The following PTPN21 variants were observed in gnomAD, a reference collection of about 807,000 sequenced individuals.
PTPN21 encodes protein tyrosine phosphatase non-receptor type 21.
In PTPN21, 77 loss-of-function variants were observed where a neutral mutation model predicts 131.8. That is an observed-to-expected ratio of 0.58 (90% CI 0.49 to 0.71). The LOEUF (loss-of-function observed/expected upper bound fraction) is 0.71, where lower values mean the gene tolerates loss of function less well. PTPN21 is among the 30% of genes least tolerant of loss of function. The pLI is 0.00. For synonymous variants in PTPN21, 715 were observed against 621.3 expected, an observed-to-expected ratio of 1.15 and a Z score of -2.24; for missense variants, 1,552 against 1,527.1, an observed-to-expected ratio of 1.02 and a Z score of -0.27.
chr14:88,471,686 C>G (rs2077471371), intron 15 of PTPN21, among the ~76,000 whole-genome samples: 1 of 152,012 alleles, frequency 6.6e-6, no homozygotes, highest in Non-Finnish European at 1.5e-5. Flanking sequence ...TTGTGAACAC[C>G]ATCAAAAAGC....
intron 2 of PTPN21, among the ~76,000 whole-genome samples, chr14:88,519,311 C>A (rs936315651): frequency 1.3e-5 from 2 of 152,168 alleles, no homozygotes; most frequent in Non-Finnish European, 2.9e-5. Flanking sequence ...ACTGTCCCAA[C>A]AGAACTTAGT....
intron 6 of PTPN21, among the ~76,000 whole-genome samples, chr14:88,501,615 A>G (rs982497002): frequency 6.6e-6 from 1 of 152,074 alleles, no homozygotes; most frequent in Non-Finnish European, 1.5e-5. Context: ...TGGGGGATAA[A>G]ACAACTCCCT....
intron 2 of PTPN21, among the ~76,000 whole-genome samples, chr14:88,527,083 T>C (rs113693058): frequency 0.044 from 6,773 of 152,318 alleles, 199 homozygotes; most frequent in South Asian, 0.1. Flanking sequence ...TGGTTCCATA[T>C]TTTTGCAATT....
intron 3 of PTPN21, among the ~76,000 whole-genome samples, chr14:88,508,351 A>C (rs1364130147): frequency 1.3e-5 from 2 of 151,946 alleles, no homozygotes; most frequent in African/African-American, 2.4e-5. Flanking sequence ...GAGTTTCACC[A>C]TGTTGCCCAG....
intron 13 of PTPN21, among the ~76,000 whole-genome samples, chr14:88,476,384 CT>C: frequency 6.6e-6 from 1 of 152,196 alleles, no homozygotes; most frequent in East Asian, 1.9e-4. Context: ...CCCCCAACAA[CT>C]CTCTGGGGTC....
At chr14:88,548,386 T>C (rs1052926335) in intron 2 of PTPN21, among the ~76,000 whole-genome samples, 1 of 152,224 alleles carries the variant, frequency 6.6e-6, no homozygotes, top group Non-Finnish European at 1.5e-5. Context: ...CCTCTGCGTC[T>C]TTGGTCCTGT....
In PTPN21 at chr14:88,466,190, CT is replaced by C. The variant is rs2077360133; in HGVS notation, c.*1946del. ...AATATTTTCACTTAGTTCTACTGTT[CT>C]TTAAACAGGACTTTAAAAAGAATTT... On this transcript the variant is annotated 3_prime_UTR_variant, in exon 19 of 19. Transcript: ENST00000556564. 6.6e-6 allele frequency: 1 copy of C among 152,064 alleles called. No homozygotes were observed. The highest frequency in any genetic ancestry group is 6.6e-5 in the Admixed American group (1 of 15,266). The allele number at this position is 152,064 out of a possible 1,614,324, so 9.4% of individuals were successfully genotyped here.
intron 15 of PTPN21, among the ~76,000 whole-genome samples, chr14:88,470,771 A>G (rs1419546158): frequency 6.6e-6 from 1 of 152,224 alleles, no homozygotes; most frequent in African/African-American, 2.4e-5. Flanking sequence ...ACTGTGGATG[A>G]GTACCAGGTT....
chr14:88,472,508 G>T, intron 14 of PTPN21, 43 bp from the exon 15 acceptor site: 2 of 1,205,988 alleles, frequency 1.7e-6, no homozygotes, highest in Non-Finnish European at 2.4e-6. Flanking sequence ...ACAGCCACAC[G>T]TCGTGGCTAC....
chr14:88,553,076 T>A (rs1271851228), intron 1 of PTPN21, among the ~76,000 whole-genome samples: 1 of 152,236 alleles, frequency 6.6e-6, no homozygotes, highest in African/African-American at 2.4e-5. Flanking sequence ...TACATAGAAC[T>A]ATGCCTTGAA....
In PTPN21 at chr14:88,473,967, T is replaced by G. The variant is rs61674735; in HGVS notation, c.2512-165A>C. 2,350 of 568,932 alleles carry G rather than the reference T, an allele frequency of 4.1e-3. 28 individuals carry two copies. In the African/African-American group the frequency reaches 0.042, roughly 10 times the overall value. The allele number at this position is 568,932 out of a possible 1,614,324, so 35.2% of individuals were successfully genotyped here. ...CACACACCACTTGTTTAACAAACATTAGTAGGAAGACATTCCTTTCAAGGC... is the reference window on the plus strand; with the variant it reads ...CACACACCACTTGTTTAACAAACATGAGTAGGAAGACATTCCTTTCAAGGC... On this transcript the variant is annotated intron_variant, in intron 13 of 18. Coordinates refer to ENST00000556564, the MANE Select transcript of PTPN21 (RefSeq NM_007039.4).
At chr14:88,471,099 T>C (rs2077459054) in intron 15 of PTPN21, among the ~76,000 whole-genome samples, 1 of 152,170 alleles carries the variant, frequency 6.6e-6, no homozygotes, top group African/African-American at 2.4e-5. Flanking sequence ...TATGCTGATA[T>C]TATATTTAAA....
At chr14:88,548,399 A>C (rs1301257050) in intron 2 of PTPN21, among the ~76,000 whole-genome samples, 1 of 152,148 alleles carries the variant, frequency 6.6e-6, no homozygotes, top group Non-Finnish European at 1.5e-5. Context: ...GGTCCTGTGC[A>C]GTTCTCTTTG....
At chr14:88,517,700 ATGTG>A (rs1407313683) in intron 2 of PTPN21, among the ~76,000 whole-genome samples, 27 of 145,930 alleles carry the variant, frequency 1.9e-4, no homozygotes, top group African/African-American at 6.8e-4. Context: ...ATGTGTGCGT[ATGTG>A]TATATATGTG....
Position 88,479,749 on chromosome 14 carries a change from T to C in PTPN21, c.1682A>G (p.Gln561Arg). ...DYPSPNIMRT[Q>R]VYRPPPPYPP... Reference sequence around the variant, plus strand: ...GTAGGGTGGGGGTGGCCGGTACACCTGCGTCCGCATGATGTTGGGAGACGG... The same window carrying C: ...GTAGGGTGGGGGTGGCCGGTACACCCGCGTCCGCATGATGTTGGGAGACGG... The change falls in exon 13 of 19, where the codon CAG becomes CGG. Residue 561 changes from glutamine to arginine, a missense_variant. Coordinates refer to ENST00000556564, the MANE Select transcript of PTPN21 (RefSeq NM_007039.4). 1 of 1,542,554 alleles carries C rather than the reference T, an allele frequency of 6.5e-7. No individual in the cohort carries two copies. The highest frequency in any genetic ancestry group is 8.7e-7 in the Non-Finnish European group (1 of 1,151,470).
Position 88,504,485 on chromosome 14 carries a change from T to C in PTPN21, c.527A>G (p.Gln176Arg), listed in dbSNP as rs1035142085. The change falls in exon 6 of 19, where the codon CAA becomes CGA. Residue 176 changes from glutamine (Q) to arginine (R), a missense_variant. Gln to Arg is a conservative substitution (Grantham distance 43). Transcript: ENST00000556564. ...KFALFPVGWL[Q>R]DEKVLEEATQ... ...TGCTTCTTCCAATACTTTTTCATCT[T>C]GTAACCATCCCTGAAGAAAACACAC... 1 of 1,612,708 alleles carries C rather than the reference T, an allele frequency of 6.2e-7. No homozygotes were observed. The highest frequency in any genetic ancestry group is 8.5e-7 in the Non-Finnish European group (1 of 1,178,738).
chr14:88,484,211 CTATT>C (rs755562424), intron 12 of PTPN21, among the ~76,000 whole-genome samples: 34 of 143,878 alleles, frequency 2.4e-4, no homozygotes, highest in Non-Finnish European at 3.1e-4. Context: ...CTACGCCCAG[CTATT>C]TTTTTTTTTT....
chr14:88,478,440 C>T (rs61975270), intron 13 of PTPN21, among the ~76,000 whole-genome samples: 5,835 of 152,262 alleles, frequency 0.038, 181 homozygotes, highest in Non-Finnish European at 0.059. Flanking sequence ...GCTGTATCCA[C>T]ACACACTCCA....
intron 2 of PTPN21, among the ~76,000 whole-genome samples, chr14:88,520,629 G>A (rs1392911965): frequency 1.3e-5 from 2 of 151,880 alleles, no homozygotes; most frequent in African/African-American, 4.8e-5. Flanking sequence ...GCAACTTATA[G>A]AAAACAAAAA....
Sources: gnomAD v4.1 joint callset for allele counts (sites outside exome capture counted in the v4.1 genomes callset) on GRCh38, gnomAD v4.1.1 for gene constraint, MANE v1.5 for transcripts, NCBI Gene and HGNC (gene_info 2026-07-23, HGNC 2026-07-21) for gene names.